FBXO10: variants seen among roughly 807,000 people sequenced by gnomAD.
FBXO10 encodes F-box only protein 10.
A neutral mutation model predicts 80.7 loss-of-function variants in FBXO10; 39 were observed. The ratio of observed to expected loss-of-function variants is 0.48; its 90% CI spans 0.37 to 0.63. The LOEUF is 0.63. Ranked by LOEUF, FBXO10 falls within the 30% of genes least tolerant of loss-of-function variation. The pLI is 0.00. For synonymous variants in FBXO10, 449 were observed against 489.6 expected (o/e 0.92, Z 1.09); for missense variants, 1,025 against 1,269.0 (o/e 0.81, Z 2.92).
chr9:37,529,054 AGT>A, intron 5 of FBXO10, 68 bp downstream of exon 5: 1 of 1,591,344 alleles, frequency 6.3e-7, no homozygotes, highest in Non-Finnish European at 8.6e-7. Context: ...TTCCGTAAAG[AGT>A]GTTTTCAAAT....
chr9:37,537,579 T>C lies in FBXO10; in HGVS notation c.950A>G (p.Gln317Arg), dbSNP rs772723219. ...GCTAGAGGCTGGGCTGGTAGGGCTC[T>C]GGCTGCCCTCGATAACAATGTCACA... ...KTCDIVIEGSQSPTSPASSSP... is the reference protein window; with the variant it reads ...KTCDIVIEGSRSPTSPASSSP... Residue 317 changes from glutamine to arginine, a missense_variant, in exon 3 of 11, where the codon CAG becomes CGG. Transcript: ENST00000432825. 1 of 1,613,822 alleles carries C rather than the reference T, an allele frequency of 6.2e-7. No homozygotes were observed. Among genetic ancestry groups the C allele is most frequent in the Non-Finnish European group, 8.5e-7 (1 of 1,179,816 alleles).
Position 37,541,605 on chromosome 9 carries a change from C to A in FBXO10, c.164G>T (p.Cys55Phe). ...WRQLCLGCTE[C>F]RHPNWPNQPD... is the part of the protein sequence containing the mutation. ...CTGGTTGGGCCAATTGGGATGGCGG[C>A]ACTCGGTGCAACCCAGACACAGCTG... is the stretch of plus-strand genomic sequence containing the variant. The change falls in exon 2 of 11, where the codon TGC becomes TTC. Residue 55 changes from cysteine to phenylalanine, a missense_variant. By Grantham distance (205) the Cys-to-Phe change is radical (BLOSUM62 -2). Around this residue, in one of 3 missense-constraint regions of FBXO10, gnomAD observed 450 missense variants for 499.4 expected, o/e 0.90. Transcript: ENST00000432825. 1.2e-6 allele frequency: 2 copies of A among 1,613,782 alleles called. No individual in the cohort carries two copies. The highest frequency in any genetic ancestry group is 1.7e-6 in the Non-Finnish European group (2 of 1,179,804).
In FBXO10 at chr9:37,512,392, G is replaced by A. The variant is rs41278307; in HGVS notation, c.*155C>T. On this transcript the variant is annotated 3_prime_UTR_variant, in exon 11 of 11. Coordinates refer to ENST00000432825, the MANE Select transcript of FBXO10 (RefSeq NM_012166.3). ...GCCCACTTTCTTCTTGCTATGGGCT[G>A]TGGAGCTGAAGTGTTCTGGAGGTAC... is the stretch of plus-strand genomic sequence containing the variant. 1.5e-3 allele frequency: 941 copies of A among 641,460 alleles called. 3 individuals carry two copies. The highest frequency in any genetic ancestry group is 6.0e-3 in the Middle Eastern group (20 of 3,350). The allele number at this position is 641,460 out of a possible 1,614,324, so 39.7% of individuals were successfully genotyped here.
chr9:37,527,924 C>T (rs887909976), intron 5 of FBXO10, among the ~76,000 whole-genome samples: 7 of 152,056 alleles, frequency 4.6e-5, no homozygotes, highest in African/African-American at 1.4e-4. Flanking sequence ...AATTTTTGAA[C>T]CAGCAATTAG....
At chr9:37,524,919 G>A (rs1821429898) in intron 6 of FBXO10, among the ~76,000 whole-genome samples, 183 bp downstream of exon 6, 2 of 152,234 alleles carry the variant, frequency 1.3e-5, no homozygotes, top group Admixed American at 6.5e-5. Flanking sequence ...CCCACTCTGT[G>A]TTAGGCCCTC....
intron 1 of FBXO10, among the ~76,000 whole-genome samples, chr9:37,573,626 T>A (rs759210174): frequency 1.3e-5 from 2 of 152,160 alleles, no homozygotes; most frequent in Non-Finnish European, 1.5e-5. Flanking sequence ...TTGGAATGTA[T>A]AAGCCCCCAG....
At chr9:37,560,223 C>A (rs1430632929) in intron 1 of FBXO10, among the ~76,000 whole-genome samples, 1 of 152,210 alleles carries the variant, frequency 6.6e-6, no homozygotes, top group Non-Finnish European at 1.5e-5. Context: ...CAGGAACTCA[C>A]AATTTTGCAA....
rs181586462 is a variant in FBXO10 at position 37,523,956 on chromosome 9, C to G, written c.1778-979G>C. 1.8e-3 allele frequency among the ~76,000 whole-genome samples: 270 copies of G among 152,308 alleles called. 1 individual carries two copies. Among genetic ancestry groups the G allele is most frequent in the African/African-American group, 6.3e-3 (260 of 41,560 alleles). Reference sequence around the variant, plus strand: ...AAATAAATAAACTGGCTTTAGAGTCCTCAGAGGCAGAATGTGGCCATTTAC... The same window carrying G: ...AAATAAATAAACTGGCTTTAGAGTCGTCAGAGGCAGAATGTGGCCATTTAC... On this transcript the variant is annotated intron_variant, in intron 6 of 10. Transcript: ENST00000432825.
At chr9:37,535,065 G>GC (rs1482811847) in intron 3 of FBXO10, among the ~76,000 whole-genome samples, 1 of 152,194 alleles carries the variant, frequency 6.6e-6, no homozygotes, top group Non-Finnish European at 1.5e-5. Flanking sequence ...CCTCTGAGCA[G>GC]CAGGCACAAA....
chr9:37,567,732 G>T lies in FBXO10; in HGVS notation c.-7+8479C>A, dbSNP rs568619834. Among the ~76,000 whole-genome samples, 32 of 152,168 alleles carry T rather than the reference G, an allele frequency of 2.1e-4. No individual in the cohort carries two copies. The East Asian group carries it at 5.8e-3, about 28-fold the overall frequency. On this transcript the variant is annotated intron_variant, in intron 1 of 10. Transcript: ENST00000432825. ...TTTAGTAGAGATGGGGTTTCACCAT[G>T]TTGGCCAGGCTGGTCTTGAACTCCT...
At chr9:37,515,810 C>A in intron 10 of FBXO10, 94 bp downstream of exon 10, 1 of 1,344,434 alleles carries the variant, frequency 7.4e-7, no homozygotes. Flanking sequence ...TTGCAGGGAG[C>A]CCGGGCAGCC....
chr9:37,515,828 CTGGGTG>C, intron 10 of FBXO10, 70 bp downstream of exon 10: 1 of 1,493,222 alleles, frequency 6.7e-7, no homozygotes, highest in Non-Finnish European at 9.1e-7. Flanking sequence ...GCCACAATCC[CTGGGTG>C]TGGGCCTGGC....
At chr9:37,538,751 A>G (rs7048462) in intron 2 of FBXO10, among the ~76,000 whole-genome samples, 18,664 of 151,582 alleles carry the variant, frequency 0.12, 1,232 homozygotes, top group Middle Eastern at 0.2. Flanking sequence ...GTTGACTGCA[A>G]GTGTTATCTT....
rs74390275 is a variant in FBXO10 at position 37,520,968 on chromosome 9, G to C, written c.2200+601C>G. Among the ~76,000 whole-genome samples, 951 of 152,224 alleles carry C rather than the reference G, an allele frequency of 6.2e-3. 10 individuals are homozygous for C. Among genetic ancestry groups the C allele is most frequent in the African/African-American group, 0.022 (910 of 41,524 alleles). On this transcript the variant is annotated intron_variant, in intron 8 of 10. Coordinates refer to ENST00000432825, the MANE Select transcript of FBXO10 (RefSeq NM_012166.3). ...GCGAGGCCTCATAACAAGTGCCAGT[G>C]GGGATGGGGAGGGCCCAGTTCAAAG...
intron 1 of FBXO10, among the ~76,000 whole-genome samples, chr9:37,568,039 A>C (rs1461439713): frequency 6.6e-6 from 1 of 152,204 alleles, no homozygotes; most frequent in African/African-American, 2.4e-5. Flanking sequence ...GAATGAAGCC[A>C]AACTCAGACA....
At chr9:37,568,339 A>G (rs911128045) in intron 1 of FBXO10, among the ~76,000 whole-genome samples, 2 of 151,984 alleles carry the variant, frequency 1.3e-5, no homozygotes, top group Non-Finnish European at 2.9e-5. Flanking sequence ...CTGGGATTAC[A>G]GCCGCCTGCC....
chr9:37,513,579 A>AT lies in FBXO10; in HGVS notation c.2697-859dup, dbSNP rs1466296272. Among the ~76,000 whole-genome samples, 4 of 151,592 alleles carry AT rather than the reference A, an allele frequency of 2.6e-5. No individual in the cohort carries two copies. The East Asian group carries it at 7.7e-4, about 29-fold the overall frequency. On this transcript the variant is annotated intron_variant, in intron 10 of 10. Transcript: ENST00000432825. ...CTGGGTTTTTTTTGTTTTTACTTTTATTTTTTAATATATATATATATTTTT... is the reference window on the plus strand; with the variant it reads ...CTGGGTTTTTTTTGTTTTTACTTTTATTTTTTTAATATATATATATATTTTT...
Position 37,568,329 on chromosome 9 carries a change from C to T in FBXO10, c.-7+7882G>A, listed in dbSNP as rs1822661470. Reference sequence around the variant, plus strand: ...TCTCCTGCCTCAGCTTCTCGGGTAGCTGGGATTACAGCCGCCTGCCACCAC... The same window carrying T: ...TCTCCTGCCTCAGCTTCTCGGGTAGTTGGGATTACAGCCGCCTGCCACCAC... On this transcript the variant is annotated intron_variant, in intron 1 of 10. Transcript: ENST00000432825. Among the ~76,000 whole-genome samples, 4 of 152,162 alleles carry T rather than the reference C, an allele frequency of 2.6e-5. No homozygotes were observed. In the South Asian group the frequency reaches 8.3e-4, roughly 32 times the overall value.
intron 3 of FBXO10, among the ~76,000 whole-genome samples, chr9:37,533,275 G>T (rs1304058505): frequency 6.6e-6 from 1 of 152,212 alleles, no homozygotes; most frequent in Non-Finnish European, 1.5e-5. Flanking sequence ...GCCAGGTGTG[G>T]TGGCTCACGT....
Sources: allele counts gnomAD v4.1 joint callset (sites outside exome capture counted in the v4.1 genomes callset), GRCh38; gene constraint gnomAD v4.1.1; regional missense constraint gnomAD v4.1.1; transcripts MANE v1.5; gene names NCBI Gene and HGNC (gene_info 2026-07-23, HGNC 2026-07-21).